EFNA5: variants seen among roughly 807,000 people sequenced by gnomAD.
EFNA5 encodes ephrin-A5.
EFNA5 carries 5 observed loss-of-function variants against 22.9 expected under a neutral mutation model. The ratio of observed to expected loss-of-function variants is 0.22; its 90% CI spans 0.11 to 0.46. The LOEUF (loss-of-function observed/expected upper bound fraction) is 0.46, where lower values mean the gene tolerates loss of function less well. EFNA5 is among the 20% of genes least tolerant of loss of function. EFNA5 has a pLI of 0.99. For missense variants in EFNA5, 237 were observed against 293.3 expected, an observed-to-expected ratio of 0.81 and a Z score of 1.40; for synonymous variants, 113 against 112.2, an observed-to-expected ratio of 1.01 and a Z score of -0.04.
chr5:107,578,101 G>C (rs923593185), intron 1 of EFNA5, among the ~76,000 whole-genome samples: 12 of 152,102 alleles, frequency 7.9e-5, no homozygotes, highest in Non-Finnish European at 1.5e-4. Flanking sequence ...AATCAAATTG[G>C]CACCTTTGAC....
Position 107,522,924 on chromosome 5 carries a change from C to T in EFNA5, c.126-95415G>A, listed in dbSNP as rs73777887. Among the ~76,000 whole-genome samples the T allele has an allele frequency of 8.6e-3, 1,304 of 152,236 alleles. 15 individuals are homozygous for T. Among genetic ancestry groups the T allele is most frequent in the African/African-American group, 0.027 (1,132 of 41,534 alleles). ...CCATTCACTAAATCATGGGACCTTG[C>T]CTTTTTAACAAATAGATGGGTATTT... On this transcript the variant is annotated intron_variant, in intron 1 of 4. Transcript: ENST00000333274.
intron 2 of EFNA5, among the ~76,000 whole-genome samples, chr5:107,394,590 C>T (rs1747870824): frequency 6.6e-6 from 1 of 152,142 alleles, no homozygotes; most frequent in African/African-American, 2.4e-5. Flanking sequence ...TCCAGCTGTG[C>T]AGCCACACAC....
In EFNA5 at chr5:107,427,325, G is replaced by A. The variant is rs377722066; in HGVS notation, c.310C>T (p.Arg104Trp). ...SKGFKRWECN[R>W]PHSPNGPLKF... ...AGCGGTCCATTTGGAGAGTGAGGCCGGTTACATTCCCATCTCTTGAACCCT... is the reference window on the plus strand; with the variant it reads ...AGCGGTCCATTTGGAGAGTGAGGCCAGTTACATTCCCATCTCTTGAACCCT... Residue 104 changes from arginine to tryptophan, a missense_variant, in exon 2 of 5, where the codon CGG (arginine) becomes TGG (tryptophan). By Grantham distance (101) the Arg-to-Trp change is moderately radical. This residue lies in a region of EFNA5 where 120 missense variants were observed against 140.5 expected (regional missense o/e 0.85). Coordinates refer to ENST00000333274, the MANE Select transcript of EFNA5 (RefSeq NM_001962.3). 23 of 1,613,950 alleles carry A rather than the reference G, an allele frequency of 1.4e-5. No individual in the cohort carries two copies. Among genetic ancestry groups the A allele is most frequent in the South Asian group, 2.2e-5 (2 of 91,070 alleles).
chr5:107,422,999 T>C (rs1240555372), intron 2 of EFNA5, among the ~76,000 whole-genome samples: 1 of 152,206 alleles, frequency 6.6e-6, no homozygotes, highest in East Asian at 1.9e-4. Context: ...CTAAGCAAGG[T>C]ATTGACCTGG....
chr5:107,512,270 A>AC (rs767350878), intron 1 of EFNA5, among the ~76,000 whole-genome samples: 19 of 152,078 alleles, frequency 1.2e-4, no homozygotes, highest in Non-Finnish European at 2.6e-4. Flanking sequence ...TGGTTAAAGA[A>AC]CCCCACATAG....
chr5:107,471,304 C>G (rs1187480963), intron 1 of EFNA5, among the ~76,000 whole-genome samples: 1 of 152,052 alleles, frequency 6.6e-6, no homozygotes, highest in East Asian at 1.9e-4. Context: ...CTTTTTGCCT[C>G]CAATTCCCTC....
At chr5:107,508,304 GTTA>G (rs1182979148) in intron 1 of EFNA5, among the ~76,000 whole-genome samples, 1 of 152,190 alleles carries the variant, frequency 6.6e-6, no homozygotes, top group East Asian at 1.9e-4. Flanking sequence ...AGTGACCACA[GTTA>G]TTATGTGAAC....
chr5:107,658,103 T>C (rs1413381807), intron 1 of EFNA5, among the ~76,000 whole-genome samples: 1 of 152,126 alleles, frequency 6.6e-6, no homozygotes, highest in Admixed American at 6.6e-5. Context: ...ATAACTCCAT[T>C]GAAATTACAG....
rs1235757950 is a variant in EFNA5 at position 107,569,562 on chromosome 5, TATA to T, written c.125+100924_125+100926del. ...ATATATGTGTGTATATATATATTTATATATATATATATATATATATATATATAT... is the reference window on the plus strand; with the variant it reads ...ATATATGTGTGTATATATATATTTATTATATATATATATATATATATATAT... On this transcript the variant is annotated intron_variant, in intron 1 of 4. Coordinates refer to ENST00000333274, the MANE Select transcript of EFNA5 (RefSeq NM_001962.3). Among the ~76,000 whole-genome samples the T allele has an allele frequency of 5.7e-3, 113 of 19,838 alleles. 1 individual carries two copies. Among genetic ancestry groups the T allele is most frequent in the African/African-American group, 0.013 (112 of 8,660 alleles). The allele number at this position is 19,838 out of a possible 152,430, so 13.0% of individuals were successfully genotyped here.
chr5:107,443,286 T>A (rs990546426), intron 1 of EFNA5, among the ~76,000 whole-genome samples: 2 of 152,188 alleles, frequency 1.3e-5, no homozygotes, highest in Non-Finnish European at 2.9e-5. Context: ...TTTCCATAGA[T>A]AGAACCAGTA....
intron 1 of EFNA5, among the ~76,000 whole-genome samples, chr5:107,667,001 C>A (rs951600845): frequency 1.3e-5 from 2 of 152,012 alleles, no homozygotes; most frequent in Admixed American, 1.3e-4. Context: ...AAATTAAGGA[C>A]AAATAGTTAT....
At chr5:107,483,744 T>A (rs1250311863) in intron 1 of EFNA5, among the ~76,000 whole-genome samples, 1 of 152,218 alleles carries the variant, frequency 6.6e-6, no homozygotes, top group Non-Finnish European at 1.5e-5. Context: ...TGATTCTAGA[T>A]AAATATTTAG....
intron 1 of EFNA5, among the ~76,000 whole-genome samples, chr5:107,637,518 CTGTG>C (rs987029187): frequency 3.1e-4 from 44 of 143,550 alleles, no homozygotes; most frequent in African/African-American, 9.8e-4. Flanking sequence ...GTGTGTGTGT[CTGTG>C]TGTGTGTGTG....
At chr5:107,511,799 TC>T (rs1747374966) in intron 1 of EFNA5, among the ~76,000 whole-genome samples, 1 of 91,518 alleles carries the variant, frequency 1.1e-5, no homozygotes, top group Non-Finnish European at 1.9e-5. Context: ...ATATTACTTT[TC>T]TTAAAAAAAA....
chr5:107,487,506 T>C (rs1746664378), intron 1 of EFNA5, among the ~76,000 whole-genome samples: 1 of 152,214 alleles, frequency 6.6e-6, no homozygotes, highest in Non-Finnish European at 1.5e-5. Flanking sequence ...AATATCTGCA[T>C]GGCTGTGTCC....
intron 1 of EFNA5, among the ~76,000 whole-genome samples, chr5:107,659,162 G>T (rs1750889399): frequency 6.6e-6 from 1 of 152,130 alleles, no homozygotes. Context: ...GTTTATCAAT[G>T]ATAACTTTTA....
At chr5:107,564,369 G>A (rs556944285) in intron 1 of EFNA5, among the ~76,000 whole-genome samples, 38 of 152,180 alleles carry the variant, frequency 2.5e-4, no homozygotes, top group African/African-American at 7.9e-4. Flanking sequence ...TGACCTTCCC[G>A]CCAACATGGG....
At chr5:107,513,577 T>C (rs535433003) in intron 1 of EFNA5, among the ~76,000 whole-genome samples, 2 of 152,258 alleles carry the variant, frequency 1.3e-5, no homozygotes, top group Non-Finnish European at 2.9e-5. Context: ...AAACATGGTA[T>C]TCTAAAAATA....
At chr5:107,576,933 A>G (rs1330698211) in intron 1 of EFNA5, among the ~76,000 whole-genome samples, 1 of 152,192 alleles carries the variant, frequency 6.6e-6, no homozygotes, top group Admixed American at 6.5e-5. Context: ...GAAGGTTAGC[A>G]TTCCAGGGTT....
Sources: gnomAD v4.1 joint callset for allele counts (sites outside exome capture counted in the v4.1 genomes callset) on GRCh38, gnomAD v4.1.1 for gene constraint, gnomAD v4.1.1 regional missense constraint, MANE v1.5 for transcripts, NCBI Gene and HGNC (gene_info 2026-07-23, HGNC 2026-07-21) for gene names.